Variants in MSRA observed in about 807,000 individuals in gnomAD.
MSRA encodes methionine sulfoxide reductase A.
A neutral mutation model predicts 31.3 loss-of-function variants in MSRA; 54 were observed. That is an observed-to-expected ratio of 1.73 (90% CI 1.39 to 2.17). MSRA has a LOEUF of 2.17. MSRA is among the 30% of genes most tolerant of loss of function. The pLI is 0.00. For missense variants in MSRA, 507 were observed against 300.9 expected (o/e 1.69, Z -5.07); for synonymous variants, 169 against 116.5 (o/e 1.45, Z -2.90).
At chr8:10,323,268 A>T (rs2129139800) in intron 5 of MSRA, among the ~76,000 whole-genome samples, 1 of 152,260 alleles carries the variant, frequency 6.6e-6, no homozygotes, top group Admixed American at 6.5e-5. Context: ...ACTGTATTTA[A>T]TTATAAAGGC....
chr8:10,426,761 G>A (rs917065785), intron 5 of MSRA, among the ~76,000 whole-genome samples: 1 of 152,220 alleles, frequency 6.6e-6, no homozygotes. Context: ...GCTGTTGTGA[G>A]GCTAAAATTA....
At chr8:10,160,508 AT>A (rs1427692671) in intron 1 of MSRA, among the ~76,000 whole-genome samples, 9 of 151,904 alleles carry the variant, frequency 5.9e-5, no homozygotes, top group South Asian at 2.1e-4. Context: ...AAAAAAAAAA[AT>A]CTATATAGAT....
At chr8:10,111,149 A>G (rs1400378963) in intron 1 of MSRA, among the ~76,000 whole-genome samples, 1 of 152,176 alleles carries the variant, frequency 6.6e-6, no homozygotes, top group Non-Finnish European at 1.5e-5. Context: ...GGGTGGATCA[A>G]CTTTGATCAT....
chr8:10,110,057 C>T (rs1800170080), intron 1 of MSRA, among the ~76,000 whole-genome samples: 1 of 152,142 alleles, frequency 6.6e-6, no homozygotes, highest in Non-Finnish European at 1.5e-5. Flanking sequence ...GGATGGGAGG[C>T]CACTCTGATT....
At chr8:10,111,591 C>G (rs1054322235) in intron 1 of MSRA, among the ~76,000 whole-genome samples, 2 of 152,028 alleles carry the variant, frequency 1.3e-5, no homozygotes, top group Non-Finnish European at 2.9e-5. Context: ...ACATTTATTT[C>G]CAAGTGGTTT....
At chr8:10,259,072 A>C (rs1471274876) in intron 3 of MSRA, among the ~76,000 whole-genome samples, 1 of 150,490 alleles carries the variant, frequency 6.6e-6, no homozygotes, top group Non-Finnish European at 1.5e-5. Flanking sequence ...TTGCCACTGC[A>C]CTCCAGCTTG....
At chr8:10,090,799 G>A (rs1798814788) in intron 1 of MSRA, among the ~76,000 whole-genome samples, 1 of 152,162 alleles carries the variant, frequency 6.6e-6, no homozygotes, top group Admixed American at 6.5e-5. Flanking sequence ...GCGGACTTCT[G>A]TGTCTGGCTT....
chr8:10,094,142 C>T (rs1474395587), intron 1 of MSRA, among the ~76,000 whole-genome samples: 2 of 152,222 alleles, frequency 1.3e-5, no homozygotes, highest in Non-Finnish European at 2.9e-5. Flanking sequence ...GCATGGGACA[C>T]TTTTGTCAGT....
At chr8:10,419,557 G>A (rs187181599) in intron 5 of MSRA, among the ~76,000 whole-genome samples, 17 of 152,284 alleles carry the variant, frequency 1.1e-4, no homozygotes, top group African/African-American at 3.4e-4. Flanking sequence ...CCTGCAATCC[G>A]TCTCTGCCCC....
At chr8:10,294,586 C>A (rs1296366473) in intron 3 of MSRA, among the ~76,000 whole-genome samples, 9 of 152,194 alleles carry the variant, frequency 5.9e-5, no homozygotes, top group Non-Finnish European at 1.2e-4. Flanking sequence ...TCTCCATGCT[C>A]CTTTGGTCTG....
At position 10,320,006 on chromosome 8, in the gene MSRA, TC is replaced by T; in HGVS notation, c.543+19del. On this transcript the variant is annotated intron_variant, in intron 5 of 5. Coordinates refer to ENST00000317173, the MANE Select transcript of MSRA (RefSeq NM_012331.5). Reference sequence around the variant, plus strand: ...TACCAAAAGGTAGGGATTGCTGGGCTCCTAGCCCCTGGCTTAGGCCACCATG... The same window carrying T: ...TACCAAAAGGTAGGGATTGCTGGGCTCTAGCCCCTGGCTTAGGCCACCATG... 1 of 1,566,190 alleles carries T rather than the reference TC, an allele frequency of 6.4e-7. No homozygotes were observed. The highest frequency in any genetic ancestry group is 2.3e-5 in the East Asian group (1 of 43,820).
At chr8:10,363,741 C>CACACACACACACACACACACAG (rs1804994408) in intron 5 of MSRA, among the ~76,000 whole-genome samples, 1 of 140,576 alleles carries the variant, frequency 7.1e-6, no homozygotes, top group East Asian at 2.2e-4. Context: ...GCAGTCACCA[C>CACACACACACACACACACACAG]ACACACACAC....
intron 5 of MSRA, chr8:10,353,739 G>C (rs1804341159): frequency 2.3e-6 from 1 of 437,750 alleles, no homozygotes; most frequent in Non-Finnish European, 4.6e-6. Context: ...TACGTCCTGA[G>C]ATACCCAGCA....
intron 5 of MSRA, among the ~76,000 whole-genome samples, chr8:10,391,360 C>T (rs1053301046): frequency 6.6e-6 from 1 of 152,170 alleles, no homozygotes; most frequent in Non-Finnish European, 1.5e-5. Flanking sequence ...AAAATGGGCA[C>T]AAGTCTTCAG....
chr8:10,172,091 A>G (rs1322298508), intron 1 of MSRA, among the ~76,000 whole-genome samples: 1 of 152,210 alleles, frequency 6.6e-6, no homozygotes, highest in Non-Finnish European at 1.5e-5. Flanking sequence ...AGGAGCCTCC[A>G]TTGTAGCCGG....
chr8:10,214,320 G>A (rs1470390699), intron 2 of MSRA, among the ~76,000 whole-genome samples: 1 of 152,110 alleles, frequency 6.6e-6, no homozygotes, highest in East Asian at 1.9e-4. Flanking sequence ...GCCCCTCCAA[G>A]GAGAGTGAGA....
intron 5 of MSRA, among the ~76,000 whole-genome samples, chr8:10,420,729 C>T (rs1396771211): frequency 1.3e-5 from 2 of 151,042 alleles, no homozygotes; most frequent in African/African-American, 4.9e-5. Context: ...CATATGCTAT[C>T]GGGGAACAGG....
chr8:10,157,947 G>T (rs1419145852), intron 1 of MSRA, among the ~76,000 whole-genome samples: 2 of 152,108 alleles, frequency 1.3e-5, no homozygotes, highest in African/African-American at 4.8e-5. Context: ...TACTATAACA[G>T]AATACCATAT....
chr8:10,357,364 C>T (rs934727280), intron 5 of MSRA, among the ~76,000 whole-genome samples: 1 of 152,194 alleles, frequency 6.6e-6, no homozygotes, highest in Non-Finnish European at 1.5e-5. Context: ...TTCTCTCGAC[C>T]CACTTTTCAG....
Sources: allele counts gnomAD v4.1 joint callset (sites outside exome capture counted in the v4.1 genomes callset), GRCh38; gene constraint gnomAD v4.1.1; transcripts MANE v1.5; gene names NCBI Gene and HGNC (gene_info 2026-07-23, HGNC 2026-07-21).